ANKRD42: variants seen among roughly 807,000 people sequenced by gnomAD.
The protein encoded by ANKRD42 is ankyrin repeat domain-containing protein 42.
A neutral mutation model predicts 51.5 loss-of-function variants in ANKRD42; 43 were observed. That is an observed-to-expected ratio of 0.83 (90% CI 0.65 to 1.08). The LOEUF is 1.08. Among genes scored for constraint, ANKRD42 ranks in the 50% least tolerant of loss-of-function variants. The pLI is 0.00. For synonymous variants in ANKRD42, 203 were observed against 213.0 expected (o/e 0.95, Z 0.41); for missense variants, 608 against 629.3 (o/e 0.97, Z 0.36).
intron 2 of ANKRD42, among the ~76,000 whole-genome samples, chr11:83,200,070 T>C (rs1861809075): frequency 6.6e-6 from 1 of 152,098 alleles, no homozygotes; most frequent in African/African-American, 2.4e-5. Flanking sequence ...TAGTTGGAGT[T>C]TTCTGGGTTT....
chr11:83,220,157 T>C (rs1862673636), intron 5 of ANKRD42, among the ~76,000 whole-genome samples: 1 of 152,098 alleles, frequency 6.6e-6, no homozygotes, highest in Non-Finnish European at 1.5e-5. Context: ...CGCTGAGCAC[T>C]CCCAGGTGTA....
intron 9 of ANKRD42, 42 bp downstream of exon 9, chr11:83,240,976 A>G: frequency 1.3e-6 from 2 of 1,559,808 alleles, no homozygotes; most frequent in Non-Finnish European, 8.7e-7. Flanking sequence ...TTTCAGAAAT[A>G]CCACAGCCAC....
intron 5 of ANKRD42, chr11:83,212,647 A>G (rs780143045): frequency 3.3e-6 from 5 of 1,535,308 alleles, no homozygotes; most frequent in East Asian, 2.4e-5. Context: ...TCACTTTGCT[A>G]TTTAGAACCT....
At chr11:83,263,499 G>C (rs1864054622), downstream of ANKRD42, among the ~76,000 whole-genome samples, 2 of 152,110 alleles carry the variant, frequency 1.3e-5, no homozygotes, top group Admixed American at 6.6e-5. Context: ...GCATATGCCT[G>C]GTACATTTTA....
chr11:83,213,940 G>A (rs1862427249), intron 5 of ANKRD42: 1 of 152,682 alleles, frequency 6.5e-6, no homozygotes, highest in South Asian at 2.1e-4. Flanking sequence ...GCACAGGCTG[G>A]AGTGCAGTGG....
At chr11:83,259,367 T>C (rs1365075156), downstream of ANKRD42, 1 of 152,144 alleles carries the variant, frequency 6.6e-6, no homozygotes, top group Non-Finnish European at 1.5e-5. Flanking sequence ...GGATATAGGA[T>C]CTAAAAGTAA....
At chr11:83,263,673 G>A (rs923678238), downstream of ANKRD42, among the ~76,000 whole-genome samples, 2 of 152,182 alleles carry the variant, frequency 1.3e-5, no homozygotes, top group Admixed American at 1.3e-4. Flanking sequence ...CCTTTCTGAG[G>A]ATTTTAAAAA....
In ANKRD42 at chr11:83,236,390, C is replaced by T. The variant is rs200879376; in HGVS notation, c.914-14C>T. On this transcript the variant is annotated splice_polypyrimidine_tract_variant and intron_variant, in intron 7 of 10. Transcript: ENST00000533342. ...TTGTGTGTAATTCCTGTTCTTTTTC[C>T]TTTTTTTGAACAGCTGCTGGACAAG... is the stretch of plus-strand genomic sequence containing the variant. 7.6e-6 allele frequency: 12 copies of T among 1,577,860 alleles called. No individual in the cohort carries two copies. The African/African-American group carries it at 1.4e-4, about 18-fold the overall frequency.
chr11:83,253,829 G>A (rs1863715611), downstream of ANKRD42, among the ~76,000 whole-genome samples: 1 of 152,166 alleles, frequency 6.6e-6, no homozygotes, highest in South Asian at 2.1e-4. Context: ...TGAATGCCAA[G>A]CACATATTTT....
intron 6 of ANKRD42, among the ~76,000 whole-genome samples, chr11:83,226,575 T>C (rs1418100143): frequency 6.6e-6 from 1 of 152,184 alleles, no homozygotes; most frequent in African/African-American, 2.4e-5. Flanking sequence ...TTTTAAGACT[T>C]TTACTATAAT....
intron 9 of ANKRD42, among the ~76,000 whole-genome samples, chr11:83,243,655 GTATGTATT>G (rs1171537664): frequency 3.9e-5 from 6 of 152,088 alleles, no homozygotes; most frequent in African/African-American, 1.2e-4. Flanking sequence ...TTTTATGTAT[GTATGTATT>G]TATTTATTTA....
Position 83,245,703 on chromosome 11 carries a change from T to G in ANKRD42, c.1322+79T>G. 5 of 1,420,522 alleles carry G rather than the reference T, an allele frequency of 3.5e-6. 1 individual carries two copies. The highest frequency in any genetic ancestry group is 1.4e-5 in the South Asian group (1 of 70,118). The allele number at this position is 1,420,522 out of a possible 1,614,324, so 88.0% of individuals were successfully genotyped here. A position where few individuals can be genotyped will look rare whatever the true frequency, so the allele number is the denominator to read the frequency against. On this transcript the variant is annotated intron_variant, in intron 10 of 10. Transcript: ENST00000533342. ...TGTGAGGGTTTGTTGATCAGCAACT[T>G]TTACTTTCATCTTGCCAAAGGGTGT... is the stretch of plus-strand genomic sequence containing the variant.
intron 7 of ANKRD42, among the ~76,000 whole-genome samples, chr11:83,228,378 G>A (rs1318934596): frequency 2.0e-5 from 3 of 150,620 alleles, no homozygotes; most frequent in Admixed American, 6.7e-5. Context: ...ATAGGCATGT[G>A]CCACCACACC....
At position 83,247,947 on chromosome 11, in the gene ANKRD42, A is replaced by G. The variant is rs1863591745; in HGVS notation, c.1327A>G (p.Ile443Val). Residue 443 changes from isoleucine to valine, a missense_variant, in exon 11 of 11, where the codon ATC (isoleucine) becomes GTC (valine). By Grantham distance (29) the Ile-to-Val change is conservative (BLOSUM62 3). Transcript: ENST00000533342. ...KKEQLESEKT[I>V]KELQGQLEYE... is the part of the protein sequence containing the mutation. Reference sequence around the variant, plus strand: ...AAAAAATTTTGTTTTTGATAGGACCATCAAAGAACTGCAGGGCCAGCTGGA... The same window carrying G: ...AAAAAATTTTGTTTTTGATAGGACCGTCAAAGAACTGCAGGGCCAGCTGGA... The G allele has an allele frequency of 6.2e-6, 10 of 1,602,256 alleles. No homozygotes were observed. Among genetic ancestry groups the G allele is most frequent in the Non-Finnish European group, 8.5e-6 (10 of 1,176,392 alleles).
chr11:83,224,873 A>C lies in ANKRD42; in HGVS notation c.605A>C (p.Glu202Ala). Residue 202 changes from glutamate to alanine, a missense_variant, in exon 6 of 11, where the codon GAA becomes GCA. Physicochemically the swap from Glu to Ala is moderately radical, Grantham distance 107. Coordinates refer to ENST00000533342, the MANE Select transcript of ANKRD42 (RefSeq NM_001300975.2). Reference protein sequence around the residue: ...GNLPVHLAAMEGHLHCFKFLV... With the variant: ...GNLPVHLAAMAGHLHCFKFLV... Reference sequence around the variant, plus strand: ...CCTCTAGTTCACTTAGCAGCCATGGAAGGCCACCTTCACTGTTTCAAATTC... The same window carrying C: ...CCTCTAGTTCACTTAGCAGCCATGGCAGGCCACCTTCACTGTTTCAAATTC... 6.2e-7 allele frequency: 1 copy of C among 1,601,346 alleles called. No homozygotes were observed. Among genetic ancestry groups the C allele is most frequent in the Non-Finnish European group, 8.5e-7 (1 of 1,172,556 alleles).
chr11:83,194,191 A>C lies in ANKRD42; in HGVS notation c.-480A>C, dbSNP rs1258260380. 1 of 458,584 alleles carries C rather than the reference A, an allele frequency of 2.2e-6. No individual in the cohort carries two copies. The highest frequency in any genetic ancestry group is 4.4e-6 in the Non-Finnish European group (1 of 228,334). 28.4% of individuals were successfully genotyped at this position (458,584 alleles called of 1,614,324 possible). ...TAGTGAAGTTGGAGGCCACCAAACTACCGACTCCAGGGGAACAGCCAGAGA... is the reference window on the plus strand; with the variant it reads ...TAGTGAAGTTGGAGGCCACCAAACTCCCGACTCCAGGGGAACAGCCAGAGA... On this transcript the variant is annotated 5_prime_UTR_variant, in exon 1 of 11. Transcript: ENST00000533342.
At chr11:83,205,029 C>T (rs146313396) in intron 2 of ANKRD42, among the ~76,000 whole-genome samples, 8 of 152,210 alleles carry the variant, frequency 5.3e-5, no homozygotes, top group South Asian at 2.1e-4. Flanking sequence ...ATAAGGATAT[C>T]GAGAAACTGG....
chr11:83,240,973 A>AAGG (rs766889380), intron 9 of ANKRD42, 39 bp downstream of exon 9: 2 of 1,568,724 alleles, frequency 1.3e-6, no homozygotes, highest in Non-Finnish European at 1.7e-6. Flanking sequence ...TCCTTTCAGA[A>AAGG]ATACCACAGC....
At chr11:83,224,756 C>T (rs1007175514) in intron 5 of ANKRD42, 99 bp from the exon 6 acceptor site, 2 of 1,002,898 alleles carry the variant, frequency 2.0e-6, no homozygotes, top group African/African-American at 1.6e-5. Flanking sequence ...TGCACTCCAG[C>T]CTGGGTTACA....
Sources: allele counts gnomAD v4.1 joint callset (sites outside exome capture counted in the v4.1 genomes callset), GRCh38; gene constraint gnomAD v4.1.1; transcripts MANE v1.5; gene names NCBI Gene and HGNC (gene_info 2026-07-23, HGNC 2026-07-21).